The following SAMMSON variants were observed in gnomAD, a reference collection of about 807,000 sequenced individuals.
SAMMSON encodes the protein long intergenic non-protein coding RNA 1212.
intron 4 of SAMMSON, among the ~76,000 whole-genome samples, chr3:70,237,274 T>C (rs1225646279): frequency 6.6e-6 from 1 of 152,226 alleles, no homozygotes; most frequent in Non-Finnish European, 1.5e-5. Context: ...CATCATATTC[T>C]CCAGTGCGGA....
At chr3:70,397,352 T>C (rs1327375740) in intron 2 of SAMMSON, among the ~76,000 whole-genome samples, 1 of 152,166 alleles carries the variant, frequency 6.6e-6, no homozygotes, top group Non-Finnish European at 1.5e-5. Context: ...TCACCCAGGC[T>C]GAAGTGCAGT....
chr3:70,178,159 G>A (rs1480317540), intron 4 of SAMMSON, among the ~76,000 whole-genome samples: 1 of 152,070 alleles, frequency 6.6e-6, no homozygotes, highest in South Asian at 2.1e-4. Flanking sequence ...TCTTATGAGG[G>A]CTCTTCAAAA....
At chr3:70,039,390 C>T (rs1439070721) in intron 3 of SAMMSON, among the ~76,000 whole-genome samples, 1 of 151,920 alleles carries the variant, frequency 6.6e-6, no homozygotes, top group Non-Finnish European at 1.5e-5. Flanking sequence ...TGGGAGTGAG[C>T]CTCACCCAGT....
intron 6 of SAMMSON, among the ~76,000 whole-genome samples, chr3:70,287,780 G>C (rs1190464902): frequency 6.6e-6 from 1 of 151,082 alleles, no homozygotes. Context: ...TCCTGGTTTA[G>C]TCTTGGGAGA....
At chr3:70,121,026 G>A (rs534705502) in intron 4 of SAMMSON, among the ~76,000 whole-genome samples, 1 of 152,294 alleles carries the variant, frequency 6.6e-6, no homozygotes, top group East Asian at 1.9e-4. Context: ...ATGGTAAGCC[G>A]TATCTGGGGG....
chr3:70,183,102 A>G (rs1380582731), intron 4 of SAMMSON, among the ~76,000 whole-genome samples: 1 of 152,194 alleles, frequency 6.6e-6, no homozygotes, highest in Non-Finnish European at 1.5e-5. Context: ...TGCCAGCTAC[A>G]AGCCTAGGTG....
At chr3:70,147,369 TTGAAAAAAGAA>T (rs1231365005) in intron 4 of SAMMSON, among the ~76,000 whole-genome samples, 1 of 152,042 alleles carries the variant, frequency 6.6e-6, no homozygotes, top group Non-Finnish European at 1.5e-5. Context: ...AAAATCAATT[TTGAAAAAAGAA>T]TAAATCCAGA....
chr3:70,084,839 A>G (rs1386721120), intron 4 of SAMMSON: 1 of 152,222 alleles, frequency 6.6e-6, no homozygotes, highest in Non-Finnish European at 1.5e-5. Context: ...GGTAAGTGCC[A>G]CTAGTATCCC....
At chr3:70,297,360 A>G (rs986070485) in intron 7 of SAMMSON, among the ~76,000 whole-genome samples, 25 of 152,212 alleles carry the variant, frequency 1.6e-4, no homozygotes, top group Non-Finnish European at 2.9e-4. Flanking sequence ...CACAAAAAGA[A>G]CTGGATATCT....
intron 9 of SAMMSON, among the ~76,000 whole-genome samples, chr3:70,364,702 T>C (rs1302498002): frequency 1.3e-5 from 2 of 151,894 alleles, no homozygotes; most frequent in African/African-American, 4.8e-5. Context: ...TTTACCTTAA[T>C]TTCCTATTGT....
At chr3:70,000,635 A>C (rs1194919612) in intron 1 of SAMMSON, among the ~76,000 whole-genome samples, 1 of 152,200 alleles carries the variant, frequency 6.6e-6, no homozygotes, top group Non-Finnish European at 1.5e-5. Context: ...GTATTAGTTA[A>C]CAAATTCAAG....
At chr3:70,023,215 G>A (rs1470018443) in intron 3 of SAMMSON, among the ~76,000 whole-genome samples, 4 of 152,062 alleles carry the variant, frequency 2.6e-5, no homozygotes, top group African/African-American at 7.2e-5. Flanking sequence ...CCAGCACTTT[G>A]GGAGGCCGAG....
chr3:70,313,501 GA>G (rs1255982566), intron 7 of SAMMSON, among the ~76,000 whole-genome samples: 5 of 150,732 alleles, frequency 3.3e-5, no homozygotes, highest in Admixed American at 6.6e-5. Context: ...AAAAGGAAAA[GA>G]AAAAAGGATA....
intron 4 of SAMMSON, among the ~76,000 whole-genome samples, chr3:70,141,909 A>T (rs2067529220): frequency 6.6e-6 from 1 of 152,160 alleles, no homozygotes; most frequent in Admixed American, 6.6e-5. Flanking sequence ...TTAATCTATT[A>T]AAAAAGTAAA....
At chr3:70,065,539 ATG>A (rs1261339720) in intron 3 of SAMMSON, among the ~76,000 whole-genome samples, 2 of 152,058 alleles carry the variant, frequency 1.3e-5, no homozygotes, top group Non-Finnish European at 2.9e-5. Context: ...AGAAAAAAAA[ATG>A]TGAGAAATCT....
At chr3:70,391,675 G>A (rs1701050232), downstream of SAMMSON, among the ~76,000 whole-genome samples, 1 of 152,054 alleles carries the variant, frequency 6.6e-6, no homozygotes, top group Admixed American at 6.6e-5. Flanking sequence ...TGAAAGGGAG[G>A]TGGGAATAAA....
intron 4 of SAMMSON, among the ~76,000 whole-genome samples, chr3:70,210,263 C>T (rs760098064): frequency 1.3e-5 from 2 of 152,116 alleles, no homozygotes; most frequent in African/African-American, 2.4e-5. Context: ...TAGGCTTGTA[C>T]TGAGAGAATT....
Position 70,378,992 on chromosome 3 carries a change from T to C in SAMMSON, n.914-10582T>C, listed in dbSNP as rs527533563. Among the ~76,000 whole-genome samples the C allele has an allele frequency of 9.4e-4, 131 of 139,448 alleles. 1 individual carries two copies. The highest frequency in any genetic ancestry group is 3.4e-3 in the African/African-American group (117 of 34,040). The allele number at this position is 139,448 out of a possible 152,430, so 91.5% of individuals were successfully genotyped here. On this transcript the variant is annotated intron_variant and non_coding_transcript_variant, in intron 9 of 9. Coordinates refer to ENST00000642114, the Ensembl canonical transcript of SAMMSON. ...GTATACTTACACTTTTATTTATTTA[T>C]TTATTTATTTATTTATTTATTTATT...
intron 4 of SAMMSON, among the ~76,000 whole-genome samples, chr3:70,146,648 T>C (rs992582945): frequency 3.9e-5 from 6 of 152,052 alleles, no homozygotes; most frequent in African/African-American, 1.4e-4. Context: ...ACTAGAAATG[T>C]AAGAAAATTT....
Sources: allele counts gnomAD v4.1 joint callset (sites outside exome capture counted in the v4.1 genomes callset), GRCh38; gene constraint gnomAD v4.1.1; transcripts MANE v1.5; gene names NCBI Gene and HGNC (gene_info 2026-07-23, HGNC 2026-07-21).